PCDHA9: variants seen among roughly 807,000 people sequenced by gnomAD.
PCDHA9 encodes protocadherin alpha-9.
A neutral mutation model predicts 62.0 loss-of-function variants in PCDHA9; 62 were observed. The observed-to-expected ratio is 1.00, with a 90% CI of 0.81 to 1.23. The LOEUF (loss-of-function observed/expected upper bound fraction) is 1.23. Among genes scored for constraint, PCDHA9 ranks in the 50% most tolerant of loss-of-function variants. The pLI, the probability that PCDHA9 is intolerant of heterozygous loss-of-function variation, is 0.00. For missense variants in PCDHA9, 1,205 were observed against 1,249.8 expected (o/e 0.96, Z 0.54); for synonymous variants, 557 against 567.6 (o/e 0.98, Z 0.27).
chr5:140,952,157 T>TG (rs771517820), intron 1 of PCDHA9, among the ~76,000 whole-genome samples: 33 of 152,162 alleles, frequency 2.2e-4, no homozygotes, highest in Non-Finnish European at 4.3e-4. Flanking sequence ...TGTGGCTTTG[T>TG]GGGGTTCAGT....
At chr5:140,918,982 G>C (rs1554198889) in intron 1 of PCDHA9, among the ~76,000 whole-genome samples, 1 of 152,188 alleles carries the variant, frequency 6.6e-6, no homozygotes, top group Non-Finnish European at 1.5e-5. Flanking sequence ...AGGTTAGTTG[G>C]TTTTTAGTGT....
Position 140,868,882 on chromosome 5 carries a change from T to A in PCDHA9, c.2394+17993T>A. On this transcript the variant is annotated intron_variant, in intron 1 of 3. Transcript: ENST00000532602. Reference sequence around the variant, plus strand: ...TAAATGCAGTGCACAGTACTCACAGTTTTAGGCGCAAGGTGTCGCTCTTTA... The same window carrying A: ...TAAATGCAGTGCACAGTACTCACAGATTTAGGCGCAAGGTGTCGCTCTTTA... 4 of 715,192 alleles carry A rather than the reference T, an allele frequency of 5.6e-6. No homozygotes were observed. In the South Asian group the frequency reaches 8.5e-5, roughly 15 times the overall value. 44.3% of individuals were successfully genotyped at this position (715,192 alleles called of 1,614,324 possible).
At chr5:140,868,877 C>A in intron 1 of PCDHA9, 1 of 684,342 alleles carries the variant, frequency 1.5e-6, no homozygotes, top group Non-Finnish European at 2.3e-6. Flanking sequence ...GCACAGTACT[C>A]ACAGTTTTAG....
In PCDHA9 at chr5:140,950,041, A is replaced by G. The variant is rs139296187; in HGVS notation, c.2395-28908A>G. Among the ~76,000 whole-genome samples, 1,151 of 152,070 alleles carry G rather than the reference A, an allele frequency of 7.6e-3. 13 individuals carry two copies. The highest frequency in any genetic ancestry group is 0.01 in the Non-Finnish European group (711 of 67,812). On this transcript the variant is annotated intron_variant, in intron 1 of 3. Transcript: ENST00000532602. ...CATAAAATATAGAAAAGTTACAACC[A>G]TATAAGACTATTTAGCTCTTCCTGT... is the stretch of plus-strand genomic sequence containing the variant.
chr5:140,877,401 G>A, intron 1 of PCDHA9: 1 of 1,613,944 alleles, frequency 6.2e-7, no homozygotes. Context: ...CGGACGCTCC[G>A]CGCCACCGCC....
Position 140,918,319 on chromosome 5 carries a change from A to T in PCDHA9, c.2395-60630A>T, listed in dbSNP as rs568659309. Among the ~76,000 whole-genome samples, 8 of 152,266 alleles carry T rather than the reference A, an allele frequency of 5.3e-5. No individual in the cohort carries two copies. In the South Asian group the frequency reaches 1.7e-3, roughly 32 times the overall value. ...GAATATAGGGTTTTCTAGGTATAAAATTATATTGTCTGCTAAGAGAGATAG... is the reference window on the plus strand; with the variant it reads ...GAATATAGGGTTTTCTAGGTATAAATTTATATTGTCTGCTAAGAGAGATAG... On this transcript the variant is annotated intron_variant, in intron 1 of 3. Coordinates refer to ENST00000532602, the MANE Select transcript of PCDHA9 (RefSeq NM_031857.2).
chr5:140,849,100 G>C lies in PCDHA9; in HGVS notation c.605G>C (p.Arg202Thr), dbSNP rs1554142751. 2.0e-6 allele frequency: 3 copies of C among 1,471,168 alleles called. No individual in the cohort carries two copies. The Admixed American group carries it at 6.2e-5, about 30-fold the overall frequency. The allele number at this position is 1,471,168 out of a possible 1,614,324, so 91.1% of individuals were successfully genotyped here. A position where few individuals can be genotyped will look rare whatever the true frequency, so the allele number is the denominator to read the frequency against. Reference sequence around the variant, plus strand: ...CTTGTATTACGGAAACTTTTAGACAGAGAAGAAACTCCGGAGCTTCATTTA... The same window carrying C: ...CTTGTATTACGGAAACTTTTAGACACAGAAGAAACTCCGGAGCTTCATTTA... Reference protein sequence around the residue: ...LGLVLRKLLDREETPELHLLL... With the variant: ...LGLVLRKLLDTEETPELHLLL... Residue 202 changes from arginine to threonine, a missense_variant, in exon 1 of 4, where the codon AGA becomes ACA. This residue lies in a region of PCDHA9 where 110 missense variants were observed against 227.2 expected (regional missense o/e 0.48). Transcript: ENST00000532602.
chr5:140,893,050 A>T (rs967159859), intron 1 of PCDHA9, among the ~76,000 whole-genome samples: 1 of 152,248 alleles, frequency 6.6e-6, no homozygotes, highest in Non-Finnish European at 1.5e-5. Context: ...CTCCAGGCTC[A>T]GCCATACTGC....
intron 3 of PCDHA9, among the ~76,000 whole-genome samples, chr5:140,997,400 G>A (rs1554255862): frequency 3.3e-5 from 5 of 152,056 alleles, no homozygotes; most frequent in Admixed American, 1.3e-4. Context: ...AGGCTCTATC[G>A]TATGGCCTAT....
At chr5:140,986,163 G>A (rs1186387690) in intron 3 of PCDHA9, among the ~76,000 whole-genome samples, 1 of 152,212 alleles carries the variant, frequency 6.6e-6, no homozygotes, top group African/African-American at 2.4e-5. Flanking sequence ...AATGTTTTCT[G>A]CAGGATAAAC....
chr5:141,000,381 CTCTCTCTCTCTCTCTATATA>C (rs2097908619), intron 3 of PCDHA9, among the ~76,000 whole-genome samples: 2 of 61,370 alleles, frequency 3.3e-5, no homozygotes, highest in African/African-American at 7.4e-5. Context: ...CTCTCTCTCT[CTCTCTCTCTCTCTCTATATA>C]TATATATATA....
chr5:140,968,477 G>T, intron 1 of PCDHA9: 1 of 1,614,112 alleles, frequency 6.2e-7, no homozygotes, highest in Non-Finnish European at 8.5e-7. Flanking sequence ...ATATGTGGTG[G>T]ACATGAATGA....
intron 1 of PCDHA9, chr5:140,868,981 G>A: frequency 2.0e-6 from 3 of 1,492,274 alleles, no homozygotes; most frequent in South Asian, 2.8e-5. Flanking sequence ...CATCATACCG[G>A]ATGCCACCGT....
At chr5:140,923,181 A>T (rs2081206798) in intron 1 of PCDHA9, among the ~76,000 whole-genome samples, 1 of 152,158 alleles carries the variant, frequency 6.6e-6, no homozygotes, top group Non-Finnish European at 1.5e-5. Flanking sequence ...GTTCAGATGC[A>T]TCTACTGCAG....
chr5:140,929,226 C>T (rs782065898), intron 1 of PCDHA9: 14 of 1,613,766 alleles, frequency 8.7e-6, no homozygotes, highest in African/African-American at 5.3e-5. Flanking sequence ...ACAATGCTGC[C>T]GACCTGCGAA....
At chr5:140,937,023 A>G (rs2091268625) in intron 1 of PCDHA9, among the ~76,000 whole-genome samples, 1 of 150,410 alleles carries the variant, frequency 6.6e-6, no homozygotes. Flanking sequence ...TTAACAAGGT[A>G]TATTCTTCCA....
chr5:140,863,288 A>G, intron 1 of PCDHA9: 1 of 1,462,142 alleles, frequency 6.8e-7, no homozygotes, highest in South Asian at 1.1e-5. Context: ...GTCAACGTGT[A>G]CCTGATCATC....
At chr5:140,864,890 G>T (rs1554159190) in intron 1 of PCDHA9, 1 of 152,170 alleles carries the variant, frequency 6.6e-6, no homozygotes, top group Non-Finnish European at 1.5e-5. Context: ...TCATTAAGCT[G>T]CATGGTCTTC....
chr5:140,851,939 T>C lies in PCDHA9; in HGVS notation c.2394+1050T>C, dbSNP rs1034912000. ...ATGTTATGTTTCCTGAATTGTAGTATGTGACTTTCAAAATGGTGGTTTTCC... is the reference window on the plus strand; with the variant it reads ...ATGTTATGTTTCCTGAATTGTAGTACGTGACTTTCAAAATGGTGGTTTTCC... On this transcript the variant is annotated intron_variant, in intron 1 of 3. Transcript: ENST00000532602. The C allele has an allele frequency of 2.2e-4, 214 of 966,074 alleles. 16 individuals carry two copies. The highest frequency in any genetic ancestry group is 1.3e-3 in the Admixed American group (21 of 15,930). The allele number at this position is 966,074 out of a possible 1,614,324, so 59.8% of individuals were successfully genotyped here.
Sources: allele counts gnomAD v4.1 joint callset (sites outside exome capture counted in the v4.1 genomes callset), GRCh38; gene constraint gnomAD v4.1.1; regional missense constraint gnomAD v4.1.1; transcripts MANE v1.5; gene names NCBI Gene and HGNC (gene_info 2026-07-23, HGNC 2026-07-21).